SENP5: variants seen among roughly 807,000 people sequenced by gnomAD.
SENP5 encodes SUMO specific peptidase 5.
A neutral mutation model predicts 74.2 loss-of-function variants in SENP5; 21 were observed. That is an observed-to-expected ratio of 0.28 (90% confidence interval 0.20 to 0.41). SENP5 has a LOEUF of 0.41. SENP5 is among the 10% of genes least tolerant of loss of function. The pLI is 1.00. For synonymous variants in SENP5, 311 were observed against 312.7 expected, an observed-to-expected ratio of 0.99 and a Z score of 0.06; for missense variants, 717 against 889.1, an observed-to-expected ratio of 0.81 and a Z score of 2.46.
chr3:196,932,767 G>T lies in SENP5; in HGVS notation c.*1844G>T. 1.7e-5 allele frequency: 2 copies of T among 119,748 alleles called. No homozygotes were observed. The highest frequency in any genetic ancestry group is 3.3e-5 in the Non-Finnish European group (2 of 61,060). 7.4% of individuals were successfully genotyped at this position (119,748 alleles called of 1,614,324 possible). A position where few individuals can be genotyped will look rare whatever the true frequency, so the allele number is the denominator to read the frequency against. On this transcript the variant is annotated 3_prime_UTR_variant, in exon 10 of 10. Coordinates refer to ENST00000323460, the MANE Select transcript of SENP5 (RefSeq NM_152699.5). ...TTTTTTTTTTTTTTTGTGGGGGTGT[G>T]GTATACCAAAGTAGCCAGTCACTGG...
chr3:196,867,953 A>G lies in SENP5; in HGVS notation c.-152A>G, dbSNP rs1046042974. On this transcript the variant is annotated 5_prime_UTR_variant, in exon 1 of 10. Transcript: ENST00000323460. ...CTCGGCGGCTGTGGCCGCGGCGAAC[A>G]GGCCGGACGCCTCGTCGCTGGCGGG... 3 of 152,264 alleles carry G rather than the reference A, an allele frequency of 2.0e-5. No individual in the cohort carries two copies. The South Asian group carries it at 6.2e-4, about 31-fold the overall frequency. 9.4% of individuals were successfully genotyped at this position (152,264 alleles called of 1,614,324 possible).
intron 6 of SENP5, among the ~76,000 whole-genome samples, chr3:196,922,171 A>G (rs1715643679): frequency 6.6e-6 from 1 of 152,260 alleles, no homozygotes; most frequent in African/African-American, 2.4e-5. Flanking sequence ...AATGTGCTAA[A>G]CAGAGTTGTA....
At chr3:196,889,515 A>G (rs1458342699) in intron 2 of SENP5, among the ~76,000 whole-genome samples, 3 of 152,170 alleles carry the variant, frequency 2.0e-5, no homozygotes, top group African/African-American at 4.8e-5. Context: ...ACCTGTTAGT[A>G]AAATTGTTTC....
chr3:196,882,290 A>T (rs962833814), intron 1 of SENP5, among the ~76,000 whole-genome samples: 2 of 152,066 alleles, frequency 1.3e-5, no homozygotes, highest in Non-Finnish European at 2.9e-5. Flanking sequence ...GCATTAAAGT[A>T]CATTCGCATT....
intron 6 of SENP5, chr3:196,914,586 A>AAAAAATATATATAT: frequency 1.5e-4 from 5 of 33,504 alleles, no homozygotes; most frequent in African/African-American, 1.8e-4. Context: ...AAAAAAAAAA[A>AAAAAATATATATAT]ATATATATAT....
At chr3:196,879,366 C>T (rs1469481859) in intron 1 of SENP5, among the ~76,000 whole-genome samples, 1 of 152,048 alleles carries the variant, frequency 6.6e-6, no homozygotes, top group Non-Finnish European at 1.5e-5. Flanking sequence ...TTCTGTTGTC[C>T]CTGAAATTAA....
Position 196,917,300 on chromosome 3 carries a change from A to G in SENP5, c.1885-6114A>G, listed in dbSNP as rs150750586. Among the ~76,000 whole-genome samples the G allele has an allele frequency of 4.0e-3, 611 of 152,220 alleles. 7 individuals are homozygous for G. The highest frequency in any genetic ancestry group is 0.014 in the African/African-American group (573 of 41,540). On this transcript the variant is annotated intron_variant, in intron 6 of 9. Coordinates refer to ENST00000323460, the MANE Select transcript of SENP5 (RefSeq NM_152699.5). The stretch of plus-strand genomic sequence containing the variant: ...GTATGTAAATACACAGAGGAGAAAA[A>G]AGAATGAAGCAAACCTACAAGATCT...
At chr3:196,919,619 C>T (rs949468224) in intron 6 of SENP5, among the ~76,000 whole-genome samples, 9 of 152,076 alleles carry the variant, frequency 5.9e-5, no homozygotes, top group Admixed American at 5.9e-4. Flanking sequence ...CATGGAGAAA[C>T]CCCGTGTCTA....
chr3:196,924,481 A>G (rs1715739444), intron 7 of SENP5, among the ~76,000 whole-genome samples: 2 of 152,222 alleles, frequency 1.3e-5, no homozygotes, highest in Non-Finnish European at 1.5e-5. Context: ...AAACACAGAG[A>G]GGTGTTCAGC....
chr3:196,898,001 G>A (rs112260254), intron 2 of SENP5, among the ~76,000 whole-genome samples: 4 of 142,896 alleles, frequency 2.8e-5, no homozygotes, highest in African/African-American at 5.1e-5. Context: ...GTGAAACCCC[G>A]TCTCTACAAA....
At chr3:196,890,852 TGTA>T (rs989256366) in intron 2 of SENP5, among the ~76,000 whole-genome samples, 7 of 152,266 alleles carry the variant, frequency 4.6e-5, no homozygotes, top group African/African-American at 7.2e-5. Context: ...CTAAATTTAG[TGTA>T]GTAAAATTAT....
intron 6 of SENP5, among the ~76,000 whole-genome samples, chr3:196,911,106 C>T (rs377304958): frequency 2.0e-5 from 3 of 152,114 alleles, no homozygotes; most frequent in Admixed American, 1.3e-4. Context: ...AACACAAAAT[C>T]GTAAAAACCC....
At chr3:196,919,639 C>T (rs1351062803) in intron 6 of SENP5, among the ~76,000 whole-genome samples, 2 of 152,048 alleles carry the variant, frequency 1.3e-5, no homozygotes, top group Non-Finnish European at 2.9e-5. Flanking sequence ...ACTAAAAATA[C>T]AAAATTAGCT....
Position 196,934,216 on chromosome 3 carries a change from G to T in SENP5, c.*3293G>T, listed in dbSNP as rs1031376719. On this transcript the variant is annotated 3_prime_UTR_variant, in exon 10 of 10. Coordinates refer to ENST00000323460, the MANE Select transcript of SENP5 (RefSeq NM_152699.5). ...ATTTTCTACATAGCACTGAATCTGA[G>T]TAACAGTCATCCTGGATTTATAGTT... The T allele has an allele frequency of 1.3e-5, 2 of 152,196 alleles. No homozygotes were observed. Among genetic ancestry groups the T allele is most frequent in the African/African-American group, 2.4e-5 (1 of 41,434 alleles). 9.4% of individuals were successfully genotyped at this position (152,196 alleles called of 1,614,324 possible). A position where few individuals can be genotyped will look rare whatever the true frequency, so the allele number is the denominator to read the frequency against.
chr3:196,886,098 A>G lies in SENP5; in HGVS notation c.917A>G (p.Tyr306Cys), dbSNP rs768995765. 4.3e-6 allele frequency: 7 copies of G among 1,614,110 alleles called. No homozygotes were observed. The highest frequency in any genetic ancestry group is 1.6e-4 in the Middle Eastern group (1 of 6,084). ...GACCCTTCTTGTCGGCATCAGCCGT[A>G]CTTTCCAGATATGGACAGCAGTGCT... ...PKDPSCRHQP[Y>C]FPDMDSSAVV... is the part of the protein sequence containing the mutation. The change falls in exon 2 of 10, where the codon TAC becomes TGC. Residue 306 changes from tyrosine (Y) to cysteine (C), a missense_variant. Tyr to Cys is a radical substitution (Grantham distance 194). Coordinates refer to ENST00000323460, the MANE Select transcript of SENP5 (RefSeq NM_152699.5).
intron 2 of SENP5, among the ~76,000 whole-genome samples, chr3:196,898,961 C>CA (rs746167464): frequency 6.6e-6 from 1 of 151,770 alleles, no homozygotes; most frequent in Non-Finnish European, 1.5e-5. Flanking sequence ...CGCCTGTAGT[C>CA]ACAGCTATTT....
In SENP5 at chr3:196,898,178, T is replaced by TAAAAA. The variant is rs59960385; in HGVS notation, c.1514-1483_1514-1479dup. On this transcript the variant is annotated intron_variant, in intron 2 of 9. Coordinates refer to ENST00000323460, the MANE Select transcript of SENP5 (RefSeq NM_152699.5). The stretch of plus-strand genomic sequence containing the variant: ...GGGTGAAAAGAGCAAGGCTTTGTCT[T>TAAAAA]AAAAAAAAAGAAAAAAGAAAAGAAA... Among the ~76,000 whole-genome samples the TAAAAA allele has an allele frequency of 1.2e-3, 166 of 143,374 alleles. 1 individual carries two copies. Among genetic ancestry groups the TAAAAA allele is most frequent in the Non-Finnish European group, 1.1e-3 (75 of 66,236 alleles). 94.1% of individuals were successfully genotyped at this position (143,374 alleles called of 152,430 possible).
chr3:196,901,199 C>T (rs1714689259), intron 5 of SENP5, among the ~76,000 whole-genome samples: 1 of 151,742 alleles, frequency 6.6e-6, no homozygotes, highest in African/African-American at 2.4e-5. Context: ...GTGTGTGCCA[C>T]CATGCCTGGC....
At chr3:196,897,782 C>T (rs1211909078) in intron 2 of SENP5, among the ~76,000 whole-genome samples, 2 of 152,230 alleles carry the variant, frequency 1.3e-5, no homozygotes, top group Admixed American at 6.5e-5. Context: ...TAATTTGTTG[C>T]TCTGCCCATT....
Sources: gnomAD v4.1 joint callset for allele counts (sites outside exome capture counted in the v4.1 genomes callset) on GRCh38, gnomAD v4.1.1 for gene constraint, MANE v1.5 for transcripts, NCBI Gene and HGNC (gene_info 2026-07-23, HGNC 2026-07-21) for gene names.